The following KIAA1671 variants were observed in gnomAD, a reference collection of about 807,000 sequenced individuals.
KIAA1671 encodes uncharacterized protein KIAA1671.
A neutral mutation model predicts 131.2 loss-of-function variants in KIAA1671; 52 were observed. The observed-to-expected ratio is 0.40, with a 90% CI of 0.32 to 0.50. KIAA1671 has a LOEUF of 0.50. Among genes scored for constraint, KIAA1671 ranks in the 20% least tolerant of loss-of-function variants. The pLI is 0.73. For synonymous variants in KIAA1671, 1,003 were observed against 961.6 expected (o/e 1.04, Z -0.80); for missense variants, 2,360 against 2,364.2 (o/e 1.00, Z 0.04).
In KIAA1671 at chr22:25,177,477, T is replaced by C. The variant is rs1713822003; in HGVS notation, c.5029T>C (p.Leu1677=). ...RFSESESRSP[L]EDETDNTWMF... Reference sequence around the variant, plus strand: ...TAGTGAGTCCGAGAGCAGATCACCTTTGGAGGATGAGACTGACAACACGTG... The same window carrying C: ...TAGTGAGTCCGAGAGCAGATCACCTCTGGAGGATGAGACTGACAACACGTG... Residue 1677 remains leucine, a synonymous_variant, in exon 9 of 13, where the codon TTG becomes CTG. Transcript: ENST00000358431. 1 of 1,551,730 alleles carries C rather than the reference T, an allele frequency of 6.4e-7. No homozygotes were observed. The highest frequency in any genetic ancestry group is 2.0e-5 in the Admixed American group (1 of 51,010).
intron 6 of KIAA1671, among the ~76,000 whole-genome samples, chr22:25,117,409 C>T (rs548395157): frequency 4.6e-5 from 7 of 152,218 alleles, no homozygotes; most frequent in South Asian, 4.2e-4. Flanking sequence ...CAGCATGTGT[C>T]GGCCTTGCTG....
intron 1 of KIAA1671, among the ~76,000 whole-genome samples, chr22:24,969,584 T>C (rs1325776787): frequency 6.6e-6 from 1 of 152,118 alleles, no homozygotes; most frequent in East Asian, 1.9e-4. Flanking sequence ...TACAGATAAA[T>C]AAAAAGGAGA....
intron 1 of KIAA1671, among the ~76,000 whole-genome samples, chr22:25,021,681 T>C (rs1488350037): frequency 6.6e-6 from 1 of 152,156 alleles, no homozygotes; most frequent in African/African-American, 2.4e-5. Flanking sequence ...ACTCCAGTGA[T>C]ACTTGACATT....
Position 24,967,719 on chromosome 22 carries a change from G to A in KIAA1671, c.-208+14947G>A, listed in dbSNP as rs944815481. Reference sequence around the variant, plus strand: ...CTTAAGACTTGGATGAGGGCCGGGCGCGGTGGCTCACACCTGTAATCCCAG... The same window carrying A: ...CTTAAGACTTGGATGAGGGCCGGGCACGGTGGCTCACACCTGTAATCCCAG... On this transcript the variant is annotated intron_variant, in intron 1 of 12. Coordinates refer to ENST00000358431, the MANE Select transcript of KIAA1671 (RefSeq NM_001145206.2). Among the ~76,000 whole-genome samples, 14 of 152,266 alleles carry A rather than the reference G, an allele frequency of 9.2e-5. No individual in the cohort carries two copies. In the South Asian group the frequency reaches 2.3e-3, roughly 25 times the overall value.
At chr22:25,134,843 T>C (rs1212260377) in intron 6 of KIAA1671, among the ~76,000 whole-genome samples, 1 of 152,214 alleles carries the variant, frequency 6.6e-6, no homozygotes, top group Non-Finnish European at 1.5e-5. Context: ...AACCTCAGTT[T>C]CTTCTCAGGT....
At position 24,981,427 on chromosome 22, in the gene KIAA1671, G is replaced by A. The variant is rs150745234; in HGVS notation, c.-208+28655G>A. Among the ~76,000 whole-genome samples the A allele has an allele frequency of 1.6e-3, 241 of 152,244 alleles. 3 individuals are homozygous for A. In the East Asian group the frequency reaches 0.032, roughly 21 times the overall value. On this transcript the variant is annotated intron_variant, in intron 1 of 12. Transcript: ENST00000358431. ...GGGAGAAAGGCTGGAGCCCCGCATC[G>A]CATTCTTCCAGGGTGCTCTATACTT...
chr22:25,070,609 A>G (rs967791286), intron 6 of KIAA1671, among the ~76,000 whole-genome samples: 1 of 151,730 alleles, frequency 6.6e-6, no homozygotes, highest in African/African-American at 2.4e-5. Flanking sequence ...GAGGTAGCAC[A>G]GGTTTGTAGG....
chr22:25,191,850 A>G (rs1281570278), intron 12 of KIAA1671, among the ~76,000 whole-genome samples: 1 of 152,132 alleles, frequency 6.6e-6, no homozygotes, highest in African/African-American at 2.4e-5. Context: ...GTAAAACCTG[A>G]CCTGAGTGAA....
At chr22:25,146,696 C>A (rs928445797) in intron 6 of KIAA1671, among the ~76,000 whole-genome samples, 3 of 152,222 alleles carry the variant, frequency 2.0e-5, no homozygotes, top group Admixed American at 6.5e-5. Context: ...ATGTTCCCCC[C>A]ACTCCTCCAA....
chr22:25,153,883 G>A lies in KIAA1671; in HGVS notation c.4531-16937G>A, dbSNP rs73403566. On this transcript the variant is annotated intron_variant, in intron 6 of 12. Transcript: ENST00000358431. ...TGCTGGGGAGCCAGGATTGGAGCCC[G>A]GGTCTGCCTCACCCCAAGGCGCCTG... 7.7e-3 allele frequency among the ~76,000 whole-genome samples: 1,169 copies of A among 152,310 alleles called. 17 individuals are homozygous for A. The highest frequency in any genetic ancestry group is 0.026 in the African/African-American group (1,084 of 41,564).
chr22:25,122,013 G>A (rs1167524792), intron 6 of KIAA1671, among the ~76,000 whole-genome samples: 1 of 152,138 alleles, frequency 6.6e-6, no homozygotes, highest in Non-Finnish European at 1.5e-5. Flanking sequence ...CTGGTTCTGC[G>A]TCTCCCTTGC....
chr22:25,065,732 C>T (rs1271671781), intron 6 of KIAA1671, among the ~76,000 whole-genome samples: 4 of 151,364 alleles, frequency 2.6e-5, no homozygotes, highest in Admixed American at 6.6e-5. Context: ...CTCCACCTCC[C>T]GGATTCAAGC....
In KIAA1671 at chr22:25,133,772, T is replaced by C. The variant is rs925241491; in HGVS notation, c.4531-37048T>C. On this transcript the variant is annotated intron_variant, in intron 6 of 12. Coordinates refer to ENST00000358431, the MANE Select transcript of KIAA1671 (RefSeq NM_001145206.2). The stretch of plus-strand genomic sequence containing the variant: ...TATGTTGCCCAAGCTGATCTTGAAC[T>C]CCTGGGTTCTTGCGATCCTCCCACC... Among the ~76,000 whole-genome samples the C allele has an allele frequency of 4.6e-5, 7 of 152,338 alleles. No homozygotes were observed. The East Asian group carries it at 1.3e-3, about 29-fold the overall frequency.
At chr22:25,188,034 C>T (rs903477263) in intron 11 of KIAA1671, among the ~76,000 whole-genome samples, 1 of 152,198 alleles carries the variant, frequency 6.6e-6, no homozygotes. Context: ...GGCATGGTGG[C>T]TCACACCTGT....
chr22:24,972,037 T>C (rs1922641465), intron 1 of KIAA1671, among the ~76,000 whole-genome samples: 1 of 152,140 alleles, frequency 6.6e-6, no homozygotes, highest in Non-Finnish European at 1.5e-5. Context: ...AAGATCATGC[T>C]AGAGAGAGAT....
chr22:24,976,414 C>T (rs1053612778), intron 1 of KIAA1671, among the ~76,000 whole-genome samples: 3 of 152,354 alleles, frequency 2.0e-5, no homozygotes, highest in Middle Eastern at 3.4e-3. Context: ...CTTCCCAGTT[C>T]CTGTTTCTTT....
At chr22:25,105,824 G>C (rs538335085) in intron 6 of KIAA1671, among the ~76,000 whole-genome samples, 8 of 152,058 alleles carry the variant, frequency 5.3e-5, no homozygotes, top group East Asian at 3.9e-4. Flanking sequence ...GAAGTTGGGG[G>C]GGGGGGGTGC....
chr22:25,098,719 T>C (rs1177999435), intron 6 of KIAA1671, among the ~76,000 whole-genome samples: 5 of 152,074 alleles, frequency 3.3e-5, no homozygotes, highest in Non-Finnish European at 7.3e-5. Context: ...ACTCTGAGGC[T>C]GTGGAATGTG....
At chr22:25,123,807 C>T (rs143554880) in intron 6 of KIAA1671, among the ~76,000 whole-genome samples, 217 of 152,320 alleles carry the variant, frequency 1.4e-3, no homozygotes, top group Middle Eastern at 6.8e-3. Context: ...CTTCCAGAAA[C>T]GGTGTGAGAT....
Sources: allele counts gnomAD v4.1 joint callset (sites outside exome capture counted in the v4.1 genomes callset), GRCh38; gene constraint gnomAD v4.1.1; transcripts MANE v1.5; gene names NCBI Gene and HGNC (gene_info 2026-07-23, HGNC 2026-07-21).